The following NAV2 variants were observed in gnomAD, a reference collection of about 807,000 sequenced individuals.
The protein encoded by NAV2 is neuron navigator 2.
NAV2 carries 54 observed loss-of-function variants against 223.2 expected under a neutral mutation model. The observed-to-expected ratio is 0.24, with a 90% CI of 0.19 to 0.30. NAV2 has a LOEUF of 0.30. Ranked by LOEUF, NAV2 falls within the 10% of genes least tolerant of loss-of-function variation. NAV2 has a pLI of 1.00. For missense variants in NAV2, 2,806 were observed against 3,147.5 expected (o/e 0.89, Z 2.60); for synonymous variants, 1,279 against 1,239.3 (o/e 1.03, Z -0.67).
At chr11:19,555,449 G>A (rs1267287506) in intron 1 of NAV2, among the ~76,000 whole-genome samples, 2 of 152,084 alleles carry the variant, frequency 1.3e-5, no homozygotes, top group Non-Finnish European at 2.9e-5. Flanking sequence ...CCAGACCTGG[G>A]GGGGGCTCTG....
At chr11:19,521,142 G>C (rs2702708) in intron 1 of NAV2, among the ~76,000 whole-genome samples, 62,709 of 152,058 alleles carry the variant, frequency 0.41, 13,294 homozygotes, top group African/African-American at 0.49. Flanking sequence ...TGAACCCTGC[G>C]TCTCCCCATC....
chr11:19,363,542 C>T (rs960757946), intron 1 of NAV2, among the ~76,000 whole-genome samples: 1 of 152,222 alleles, frequency 6.6e-6, no homozygotes, highest in Non-Finnish European at 1.5e-5. Context: ...TATTGTGATT[C>T]ATTTCTATCC....
At chr11:19,377,672 C>A (rs369705834) in intron 1 of NAV2, among the ~76,000 whole-genome samples, 3 of 67,874 alleles carry the variant, frequency 4.4e-5, no homozygotes, top group Non-Finnish European at 1.0e-4. Context: ...AGATTTCCAA[C>A]CTGAATGGGT....
At chr11:19,468,751 A>C (rs2041866463) in intron 1 of NAV2, among the ~76,000 whole-genome samples, 1 of 152,202 alleles carries the variant, frequency 6.6e-6, no homozygotes, top group Non-Finnish European at 1.5e-5. Context: ...TAAATCTCAA[A>C]ATTTGGAAGC....
At chr11:19,616,789 G>T (rs2046808569) in intron 1 of NAV2, among the ~76,000 whole-genome samples, 1 of 151,994 alleles carries the variant, frequency 6.6e-6, no homozygotes, top group South Asian at 2.1e-4. Flanking sequence ...TCCTTTTCCT[G>T]GTTCTTTTCA....
upstream of NAV2, among the ~76,000 whole-genome samples, chr11:19,709,868 A>G: frequency 6.6e-6 from 1 of 152,210 alleles, no homozygotes; most frequent in Admixed American, 6.5e-5. Context: ...CAGGAAAAGA[A>G]AGAAATTTGG....
intron 1 of NAV2, among the ~76,000 whole-genome samples, chr11:19,609,098 T>G (rs2046560320): frequency 6.6e-6 from 1 of 152,242 alleles, no homozygotes; most frequent in Non-Finnish European, 1.5e-5. Context: ...TCTGCAAAAT[T>G]ACTTTTGTCA....
chr11:19,860,331 A>G (rs1362822034), intron 3 of NAV2, among the ~76,000 whole-genome samples: 5 of 133,760 alleles, frequency 3.7e-5, no homozygotes, highest in African/African-American at 5.9e-5. Flanking sequence ...GTTGCCAGGC[A>G]GAGGGTCTCC....
At chr11:19,999,004 G>A (rs900286025) in intron 11 of NAV2, among the ~76,000 whole-genome samples, 4 of 152,254 alleles carry the variant, frequency 2.6e-5, no homozygotes, top group Admixed American at 1.3e-4. Flanking sequence ...CAGAGAGGGT[G>A]CTTATTACAT....
chr11:19,985,608 ACT>A (rs2050724375), intron 11 of NAV2, among the ~76,000 whole-genome samples: 1 of 151,442 alleles, frequency 6.6e-6, no homozygotes, highest in African/African-American at 2.4e-5. Flanking sequence ...ACAGAGTCTC[ACT>A]CTGTCACCCA....
intron 2 of NAV2, among the ~76,000 whole-genome samples, chr11:19,837,734 G>A (rs1453962637): frequency 6.6e-6 from 1 of 152,046 alleles, no homozygotes; most frequent in Non-Finnish European, 1.5e-5. Context: ...GACAAAGGCT[G>A]AGAAACTGTT....
intron 1 of NAV2, among the ~76,000 whole-genome samples, chr11:19,729,465 A>G (rs1304112515): frequency 6.6e-6 from 1 of 152,158 alleles, no homozygotes; most frequent in Non-Finnish European, 1.5e-5. Flanking sequence ...GGTGAAATAT[A>G]ATGAACCCAA....
chr11:19,871,126 C>G (rs894538180), intron 4 of NAV2, among the ~76,000 whole-genome samples: 1 of 152,142 alleles, frequency 6.6e-6, no homozygotes, highest in African/African-American at 2.4e-5. Flanking sequence ...TGTGGTATTT[C>G]AATAACTGCC....
chr11:20,053,269 T>C (rs1288329516), intron 17 of NAV2, among the ~76,000 whole-genome samples: 2 of 146,236 alleles, frequency 1.4e-5, no homozygotes, highest in East Asian at 2.0e-4. Flanking sequence ...ACGCTACTTA[T>C]GGGCATAATG....
intron 1 of NAV2, among the ~76,000 whole-genome samples, chr11:19,750,748 G>T (rs150137107): frequency 2.0e-5 from 3 of 152,216 alleles, no homozygotes; most frequent in East Asian, 1.9e-4. Context: ...GTCAGAATAG[G>T]GTCCCAGGCT....
At chr11:19,786,892 AC>A (rs2057157495) in intron 1 of NAV2, among the ~76,000 whole-genome samples, 1 of 152,082 alleles carries the variant, frequency 6.6e-6, no homozygotes, top group African/African-American at 2.4e-5. Flanking sequence ...GGGGAGGTGG[AC>A]GGGGGTGGGT....
Position 19,946,322 on chromosome 11 carries a change from G to C in NAV2, c.2147-79G>C, listed in dbSNP as rs555802692. On this transcript the variant is annotated intron_variant, in intron 8 of 37. Transcript: ENST00000349880. ...GTGCTGAGCATGGAATATGGTTATG[G>C]TCATAGACATGGATGCTGCCCTTAT... is the stretch of plus-strand genomic sequence containing the variant. 27 of 1,292,956 alleles carry C rather than the reference G, an allele frequency of 2.1e-5. 1 individual carries two copies. In the South Asian group the frequency reaches 3.9e-4, roughly 18 times the overall value. 80.1% of individuals were successfully genotyped at this position (1,292,956 alleles called of 1,614,324 possible).
intron 1 of NAV2, chr11:19,777,405 C>G: frequency 4.9e-6 from 2 of 410,424 alleles, no homozygotes; most frequent in East Asian, 7.9e-5. Context: ...GGTGCTTCGG[C>G]TTTTTTTTTT....
chr11:19,787,412 G>A (rs938770452), intron 1 of NAV2, among the ~76,000 whole-genome samples: 5 of 151,250 alleles, frequency 3.3e-5, no homozygotes, highest in Admixed American at 2.0e-4. Context: ...CACTGCACCC[G>A]GTAGAGTGCT....
Sources: allele counts gnomAD v4.1 joint callset (sites outside exome capture counted in the v4.1 genomes callset), GRCh38; gene constraint gnomAD v4.1.1; transcripts MANE v1.5; gene names NCBI Gene and HGNC (gene_info 2026-07-23, HGNC 2026-07-21).